OR2M4: variants seen among roughly 807,000 people sequenced by gnomAD.
OR2M4 encodes the protein olfactory receptor 2M4.
A neutral mutation model predicts 13.7 loss-of-function variants in OR2M4; 8 were observed. That is an observed-to-expected ratio of 0.58 (90% CI 0.34 to 1.05). OR2M4 has a LOEUF of 1.05. Ranked by LOEUF, OR2M4 falls within the 50% of genes least tolerant of loss-of-function variation. The pLI, the probability that OR2M4 is intolerant of heterozygous loss-of-function variation, is 0.02. For missense variants in OR2M4, 374 were observed against 381.6 expected, an observed-to-expected ratio of 0.98 and a Z score of 0.17; for synonymous variants, 152 against 141.3, an observed-to-expected ratio of 1.08 and a Z score of -0.53.
intron 1 of OR2M4, among the ~76,000 whole-genome samples, chr1:248,237,094 G>A (rs939884631): frequency 6.6e-6 from 1 of 152,048 alleles, no homozygotes; most frequent in African/African-American, 2.4e-5. Flanking sequence ...CCAAAACCTG[G>A]CAGAGACACA....
In OR2M4 at chr1:248,239,703, T is replaced by C; in HGVS notation, c.775T>C (p.Tyr259His). 6.2e-7 allele frequency: 1 copy of C among 1,614,136 alleles called. No individual in the cohort carries two copies. The highest frequency in any genetic ancestry group is 8.5e-7 in the Non-Finnish European group (1 of 1,180,026). ...CTACTACGGTGCTGCTATGTTCATG[T>C]ACATGAGACCAGCTTCTAAACATAC... ...GLYYGAAMFM[Y>H]MRPASKHTPD... The change falls in exon 2 of 2, where the codon TAC becomes CAC. Residue 259 changes from tyrosine (Y) to histidine (H), a missense_variant. Tyr to His is a moderately conservative substitution (Grantham distance 83, BLOSUM62 2). Transcript: ENST00000641868.
intron 1 of OR2M4, among the ~76,000 whole-genome samples, chr1:248,236,784 C>T (rs113064856): frequency 0.04 from 6,056 of 152,190 alleles, 425 homozygotes; most frequent in African/African-American, 0.14. Flanking sequence ...ATACTATTAA[C>T]ACCTCTACAC....
At position 248,242,501 on chromosome 1, in the gene OR2M4, G is replaced by T. The variant is rs1280355439; in HGVS notation, c.*2637G>T. On this transcript the variant is annotated 3_prime_UTR_variant, in exon 2 of 2. Coordinates refer to ENST00000641868, the MANE Select transcript of OR2M4 (RefSeq NM_017504.2). ...TCTCAATCTCTTGACCTCGTGATCCGCCCGCCTTGGCCTCCCAAAGTGCCT... is the reference window on the plus strand; with the variant it reads ...TCTCAATCTCTTGACCTCGTGATCCTCCCGCCTTGGCCTCCCAAAGTGCCT... The T allele has an allele frequency of 5.3e-5, 8 of 152,142 alleles. No homozygotes were observed. The highest frequency in any genetic ancestry group is 1.0e-4 in the Non-Finnish European group (7 of 68,046). 9.4% of individuals were successfully genotyped at this position (152,142 alleles called of 1,614,324 possible). A position where few individuals can be genotyped will look rare whatever the true frequency, so the allele number is the denominator to read the frequency against.
In OR2M4 at chr1:248,244,593, G is replaced by A. The variant is rs1338127428; in HGVS notation, c.*4729G>A. On this transcript the variant is annotated 3_prime_UTR_variant, in exon 2 of 2. Coordinates refer to ENST00000641868, the MANE Select transcript of OR2M4 (RefSeq NM_017504.2). ...TGCAAAACTACCTATGGGATACTAT[G>A]CTCACAACCTGGGTGATGGGATCTA... 1 of 152,120 alleles carries A rather than the reference G, an allele frequency of 6.6e-6. No individual in the cohort carries two copies. Among genetic ancestry groups the A allele is most frequent in the Admixed American group, 6.6e-5 (1 of 15,250 alleles). 9.4% of individuals were successfully genotyped at this position (152,120 alleles called of 1,614,324 possible).
rs183226881 is a variant in OR2M4, at chr1:248,234,338, G to A, written c.-20+2758G>A. On this transcript the variant is annotated intron_variant, in intron 1 of 1. Transcript: ENST00000641868. ...TCCAGGATACATGTGCAGAACATGC[G>A]GGTTTGTTACATAGGTAAATGTGTG... Among the ~76,000 whole-genome samples the A allele has an allele frequency of 3.9e-3, 587 of 151,792 alleles. 2 individuals carry two copies. The highest frequency in any genetic ancestry group is 6.5e-3 in the Non-Finnish European group (445 of 67,942).
chr1:248,239,348 C>CT lies in OR2M4; in HGVS notation c.421dup (p.Cys141LeufsTer15). The CT allele has an allele frequency of 6.2e-7, 1 of 1,613,510 alleles. No individual in the cohort carries two copies. Among genetic ancestry groups the CT allele is most frequent in the Non-Finnish European group, 8.5e-7 (1 of 1,180,010 alleles). On this transcript the variant is annotated frameshift_variant, in exon 2 of 2. Coordinates refer to ENST00000641868, the MANE Select transcript of OR2M4 (RefSeq NM_017504.2). LOFTEE classifies it high-confidence loss of function. ...ACACCATCCTCATGAATCCGAAACT[C>CT]TGTGTCTTCATGACTGTTGCTTCCT...
intron 1 of OR2M4, 118 bp downstream of exon 1, chr1:248,231,698 A>G (rs752534128): frequency 2.0e-5 from 3 of 152,112 alleles, no homozygotes; most frequent in Non-Finnish European, 4.4e-5. Flanking sequence ...AGCTTTTGGA[A>G]CACTATACAG....
intron 1 of OR2M4, among the ~76,000 whole-genome samples, chr1:248,234,505 G>T (rs1666537235): frequency 6.6e-6 from 1 of 152,084 alleles, no homozygotes; most frequent in Non-Finnish European, 1.5e-5. Context: ...CTGTGTCCAT[G>T]TGTTTCAACT....
chr1:248,232,244 T>C (rs1666512583), intron 1 of OR2M4, among the ~76,000 whole-genome samples: 1 of 152,168 alleles, frequency 6.6e-6, no homozygotes, highest in Non-Finnish European at 1.5e-5. Flanking sequence ...AATTCCACAG[T>C]GTGTGAGACA....
chr1:248,242,206 G>C lies in OR2M4; in HGVS notation c.*2342G>C, dbSNP rs1666625388. 6.6e-6 allele frequency: 1 copy of C among 152,118 alleles called. No individual in the cohort carries two copies. The highest frequency in any genetic ancestry group is 1.5e-5 in the Non-Finnish European group (1 of 68,028). The allele number at this position is 152,118 out of a possible 1,614,324, so 9.4% of individuals were successfully genotyped here. A position where few individuals can be genotyped will look rare whatever the true frequency, so the allele number is the denominator to read the frequency against. On this transcript the variant is annotated 3_prime_UTR_variant, in exon 2 of 2. Coordinates refer to ENST00000641868, the MANE Select transcript of OR2M4 (RefSeq NM_017504.2). ...ATTAAATTTTATAATACAAAACAGT[G>C]AATTTAATGACATATCTTTGCCAGT...
At chr1:248,235,531 T>C (rs1468686271) in intron 1 of OR2M4, among the ~76,000 whole-genome samples, 2 of 152,178 alleles carry the variant, frequency 1.3e-5, no homozygotes, top group Admixed American at 6.5e-5. Flanking sequence ...GTTTATCTAA[T>C]TCTGTGAAAA....
At chr1:248,238,520 T>C (rs1021705664) in intron 1 of OR2M4, among the ~76,000 whole-genome samples, 3 of 152,160 alleles carry the variant, frequency 2.0e-5, no homozygotes, top group Non-Finnish European at 4.4e-5. Context: ...GGAGAAATAT[T>C]AGGACAGAAG....
rs1666646245 is a variant in OR2M4, at chr1:248,244,416, T to C, written c.*4552T>C. ...ACATGGATGCAACTGGAGGCCATTA[T>C]CCTAAGTGAATTAATGCAGTAACAA... On this transcript the variant is annotated 3_prime_UTR_variant, in exon 2 of 2. Transcript: ENST00000641868. 1 of 152,192 alleles carries C rather than the reference T, an allele frequency of 6.6e-6. No homozygotes were observed. Among genetic ancestry groups the C allele is most frequent in the African/African-American group, 2.4e-5 (1 of 41,438 alleles). 9.4% of individuals were successfully genotyped at this position (152,192 alleles called of 1,614,324 possible).
At chr1:248,235,884 C>T (rs113980759) in intron 1 of OR2M4, among the ~76,000 whole-genome samples, 5 of 152,084 alleles carry the variant, frequency 3.3e-5, no homozygotes, top group Admixed American at 2.6e-4. Context: ...TGCTTGTCAG[C>T]TTAAAGAACT....
At chr1:248,232,065 G>T (rs934185371) in intron 1 of OR2M4, among the ~76,000 whole-genome samples, 10 of 152,062 alleles carry the variant, frequency 6.6e-5, no homozygotes, top group African/African-American at 2.4e-4. Context: ...ACCACCCAGT[G>T]TAAATTTTTA....
Position 248,232,662 on chromosome 1 carries a change from G to C in OR2M4, c.-20+1082G>C, listed in dbSNP as rs150857598. 2.9e-3 allele frequency among the ~76,000 whole-genome samples: 439 copies of C among 152,138 alleles called. 4 individuals are homozygous for C. The highest frequency in any genetic ancestry group is 0.01 in the African/African-American group (421 of 41,506). On this transcript the variant is annotated intron_variant, in intron 1 of 1. Transcript: ENST00000641868. ...AAAATCATATGGAAGAATCAAAATA[G>C]TTCTAGCAATGTGAGGATTTTACAA...
At chr1:248,238,817 T>C (rs1054970240) in intron 1 of OR2M4, 93 bp from the exon 2 acceptor site, 15 of 714,856 alleles carry the variant, frequency 2.1e-5, no homozygotes, top group Admixed American at 1.4e-4. Context: ...GAAGGCCTTA[T>C]GCATGCATAT....
rs947581627 is a variant in OR2M4 at position 248,243,642 on chromosome 1, G to C, written c.*3778G>C. 1.3e-5 allele frequency: 2 copies of C among 152,116 alleles called. No homozygotes were observed. The highest frequency in any genetic ancestry group is 4.8e-5 in the African/African-American group (2 of 41,406). The allele number at this position is 152,116 out of a possible 1,614,324, so 9.4% of individuals were successfully genotyped here. A position where few individuals can be genotyped will look rare whatever the true frequency, so the allele number is the denominator to read the frequency against. The stretch of plus-strand genomic sequence containing the variant: ...TAGGAAATGCCGTTCTTGATACCAG[G>C]CTTGGCAAATAATTTTTGGCTAATT... On this transcript the variant is annotated 3_prime_UTR_variant, in exon 2 of 2. Coordinates refer to ENST00000641868, the MANE Select transcript of OR2M4 (RefSeq NM_017504.2).
Position 248,231,580 on chromosome 1 carries a change from T to G in OR2M4, c.-20T>G, listed in dbSNP as rs1362276598. The G allele has an allele frequency of 6.6e-6, 1 of 152,180 alleles. No homozygotes were observed. Among genetic ancestry groups the G allele is most frequent in the Non-Finnish European group, 1.5e-5 (1 of 68,034 alleles). The allele number at this position is 152,180 out of a possible 1,614,324, so 9.4% of individuals were successfully genotyped here. On this transcript the variant is annotated splice_region_variant and 5_prime_UTR_variant, in exon 1 of 2. Coordinates refer to ENST00000641868, the MANE Select transcript of OR2M4 (RefSeq NM_017504.2). ...GCGAATTTTCCCCTTGATCACCACCTGTGAGTAAGACATATAACACTCTTT... is the reference window on the plus strand; with the variant it reads ...GCGAATTTTCCCCTTGATCACCACCGGTGAGTAAGACATATAACACTCTTT...
Sources: allele counts gnomAD v4.1 joint callset (sites outside exome capture counted in the v4.1 genomes callset), GRCh38; gene constraint gnomAD v4.1.1; transcripts MANE v1.5; gene names NCBI Gene and HGNC (gene_info 2026-07-23, HGNC 2026-07-21).